BTD: variants seen among roughly 807,000 people sequenced by gnomAD.
BTD encodes biotinidase.
A neutral mutation model predicts 17.7 loss-of-function variants in BTD; 13 were observed. That is an observed-to-expected ratio of 0.74 (90% CI 0.48 to 1.17). The LOEUF (loss-of-function observed/expected upper bound fraction) is 1.17, where lower values mean the gene tolerates loss of function less well. Among genes scored for constraint, BTD ranks in the 50% most tolerant of loss-of-function variants. BTD has a pLI of 0.00. For missense variants in BTD, 674 were observed against 650.4 expected (o/e 1.04, Z -0.39); for synonymous variants, 240 against 245.2 (o/e 0.98, Z 0.20).
In BTD at chr3:15,659,599, G is replaced by A. The variant is rs567544385; in HGVS notation, c.399+17542G>A. Among the ~76,000 whole-genome samples the A allele has an allele frequency of 5.3e-5, 8 of 152,282 alleles. No individual in the cohort carries two copies. In the South Asian group the frequency reaches 1.5e-3, roughly 28 times the overall value. On this transcript the variant is annotated intron_variant, in intron 3 of 3. Coordinates refer to the BTD transcript ENST00000672141. ...ACTGTCTTGACATCTGCTTTTTGGA[G>A]GACCCAGACTAACAGAGTTAATATT...
intron 3 of BTD, chr3:15,708,025 C>T: frequency 2.5e-6 from 4 of 1,610,262 alleles, no homozygotes; most frequent in South Asian, 1.1e-5. Context: ...CAAACAGGCA[C>T]TGGTAATTGC....
intron 1 of BTD, chr3:15,602,162 A>T: frequency 7.1e-7 from 1 of 1,410,218 alleles, no homozygotes; most frequent in East Asian, 2.6e-5. Flanking sequence ...AGCGCACGTT[A>T]CTTAAATCCA....
chr3:15,694,663 G>A, intron 3 of BTD: 1 of 1,275,668 alleles, frequency 7.8e-7, no homozygotes, highest in Non-Finnish European at 1.1e-6. Context: ...GTACTAGTTT[G>A]AGTCAACACA....
intron 3 of BTD, among the ~76,000 whole-genome samples, chr3:15,701,940 TA>T (rs1177159677): frequency 3.3e-5 from 5 of 151,880 alleles, no homozygotes; most frequent in African/African-American, 4.8e-5. Context: ...CAAGGGCATT[TA>T]AAAAAAATCT....
chr3:15,691,280 T>C lies in BTD; in HGVS notation c.400-18780T>C, dbSNP rs186940943. ...CTGGGATTACAGGCGCATGCCACCA[T>C]GCCCCAGCTAATTTTTGTATTTTTA... On this transcript the variant is annotated intron_variant, in intron 3 of 3. Transcript: ENST00000672141. Among the ~76,000 whole-genome samples, 60 of 152,158 alleles carry C rather than the reference T, an allele frequency of 3.9e-4. No homozygotes were observed. In the East Asian group the frequency reaches 0.011, roughly 29 times the overall value.
intron 1 of BTD, among the ~76,000 whole-genome samples, chr3:15,605,112 C>G (rs917116232): frequency 5.9e-5 from 9 of 152,290 alleles, no homozygotes; most frequent in African/African-American, 2.2e-4. Flanking sequence ...TCTGCATTAC[C>G]AATTTTCTGT....
chr3:15,658,903 A>G lies in BTD; in HGVS notation c.399+16846A>G, dbSNP rs182023372. ...CGATGAAAACTCAGGAAGGTTATGT[A>G]ACTTGCCAAAAATCATACAGGTTGT... On this transcript the variant is annotated intron_variant, in intron 3 of 3. Transcript: ENST00000672141. Among the ~76,000 whole-genome samples the G allele has an allele frequency of 3.1e-3, 471 of 152,284 alleles. 4 individuals are homozygous for G. The highest frequency in any genetic ancestry group is 6.4e-3 in the African/African-American group (267 of 41,554).
rs1212304257 is a variant in BTD at position 15,645,240 on chromosome 3, A to C, written c.1324A>C (p.Arg442=). The C allele has an allele frequency of 6.2e-7, 1 of 1,614,136 alleles. No homozygotes were observed. ...CTACATCCAAGTGTGTGCCCTGGTC[A>C]GGTGTGGGGGTCTTGGCTTCGACAC... is the stretch of plus-strand genomic sequence containing the variant. ...TYYIQVCALV[R]CGGLGFDTCG... Residue 442 remains arginine (R), a synonymous_variant, in exon 4 of 4, where the codon AGG becomes CGG. Coordinates refer to ENST00000643237, the MANE Select transcript of BTD (RefSeq NM_001370658.1).
At chr3:15,661,189 C>G (rs1398894650) in intron 3 of BTD, among the ~76,000 whole-genome samples, 2 of 148,664 alleles carry the variant, frequency 1.3e-5, no homozygotes, top group African/African-American at 5.0e-5. Context: ...TCACTTGAAC[C>G]CGGGAGGTGG....
At chr3:15,670,309 G>C (rs759729140) in intron 3 of BTD, 18 of 1,612,056 alleles carry the variant, frequency 1.1e-5, no homozygotes, top group Non-Finnish European at 1.5e-5. Flanking sequence ...GCTCATCCAC[G>C]TCAGTGTATA....
intron 3 of BTD, among the ~76,000 whole-genome samples, chr3:15,680,203 A>C (rs975646103): frequency 6.6e-6 from 1 of 151,958 alleles, no homozygotes; most frequent in Non-Finnish European, 1.5e-5. Flanking sequence ...AGCATATATG[A>C]AATATTATTA....
intron 1 of BTD, among the ~76,000 whole-genome samples, chr3:15,628,777 T>G (rs895544442): frequency 3.9e-5 from 6 of 152,158 alleles, no homozygotes; most frequent in African/African-American, 1.4e-4. Flanking sequence ...CACAGTTCAT[T>G]TTCGACCACC....
intron 1 of BTD, among the ~76,000 whole-genome samples, chr3:15,628,530 G>C (rs2065122416): frequency 6.6e-6 from 1 of 152,144 alleles, no homozygotes; most frequent in South Asian, 2.1e-4. Context: ...GAAGGAAATG[G>C]GTAAGAAATT....
exon 5 of BTD, among the ~76,000 whole-genome samples, chr3:15,722,066 A>G (rs74536014): frequency 0.1 from 15,977 of 152,188 alleles, 1,066 homozygotes; most frequent in East Asian, 0.2. Context: ...TTTCTAATAA[A>G]TAAGGGAATA....
At chr3:15,688,023 C>T (rs1208082880) in intron 3 of BTD, among the ~76,000 whole-genome samples, 1 of 152,126 alleles carries the variant, frequency 6.6e-6, no homozygotes, top group African/African-American at 2.4e-5. Context: ...AGATACAAGG[C>T]TTGCATTTAT....
At chr3:15,614,851 C>T (rs978513728) in intron 1 of BTD, among the ~76,000 whole-genome samples, 7 of 151,744 alleles carry the variant, frequency 4.6e-5, no homozygotes, top group African/African-American at 1.7e-4. Context: ...CCTGCCTTGG[C>T]CTTCCAAAGT....
intron 1 of BTD, among the ~76,000 whole-genome samples, chr3:15,617,692 C>T (rs1040309643): frequency 2.0e-5 from 3 of 152,134 alleles, no homozygotes; most frequent in African/African-American, 7.2e-5. Context: ...AATTTGAGTC[C>T]AGCCTAGGCA....
At chr3:15,601,992 C>T in intron 1 of BTD, 98 bp downstream of exon 1, 1 of 1,556,498 alleles carries the variant, frequency 6.4e-7, no homozygotes. Context: ...GAGGGCTGCG[C>T]AAAGGCTGCC....
At chr3:15,714,007 T>C (rs1575332881), downstream of BTD, among the ~76,000 whole-genome samples, 3 of 152,154 alleles carry the variant, frequency 2.0e-5, no homozygotes, top group South Asian at 2.1e-4. Context: ...TCAAAAAATA[T>C]TGGATCATGA....
Sources: allele counts gnomAD v4.1 joint callset (sites outside exome capture counted in the v4.1 genomes callset), GRCh38; gene constraint gnomAD v4.1.1; transcripts MANE v1.5; gene names NCBI Gene and HGNC (gene_info 2026-07-23, HGNC 2026-07-21).